The following AIFM2 variants were observed in gnomAD, a reference collection of about 807,000 sequenced individuals.
AIFM2 encodes the protein AIF family member 2, ferroptosis suppressor.
Under a neutral mutation model 35.7 loss-of-function variants are expected in AIFM2, and 38 were observed. That is an observed-to-expected ratio of 1.06 (90% confidence interval 0.82 to 1.39). The LOEUF is 1.39. Among genes scored for constraint, AIFM2 ranks in the 40% most tolerant of loss-of-function variants. The probability of loss-of-function intolerance (pLI) is 0.00; values close to 1 mark genes in which losing one functional copy is unlikely to be tolerated. For synonymous variants in AIFM2, 185 were observed against 203.5 expected, an observed-to-expected ratio of 0.91 and a Z score of 0.77; for missense variants, 476 against 491.2, an observed-to-expected ratio of 0.97 and a Z score of 0.29.
rs776851103 is a variant in AIFM2 at position 70,117,934 on chromosome 10, G to A, written c.508-14C>T. ...AATGAGAGTGACCTGAGGACAAAAC[G>A]ACCACAGGGCCTGAGAAGGAGCCCC... On this transcript the variant is annotated splice_polypyrimidine_tract_variant and intron_variant, in intron 5 of 8. Coordinates refer to ENST00000307864, the MANE Select transcript of AIFM2 (RefSeq NM_032797.6). The surrounding 1 kb of genome is among the most constrained non-coding windows in gnomAD (Gnocchi z 4.7). 3.0e-5 allele frequency: 47 copies of A among 1,591,578 alleles called. No individual in the cohort carries two copies. The highest frequency in any genetic ancestry group is 4.5e-5 in the East Asian group (2 of 43,960).
At chr10:70,115,827 G>T (rs2072430055) in intron 7 of AIFM2, among the ~76,000 whole-genome samples, 1 of 152,112 alleles carries the variant, frequency 6.6e-6, no homozygotes, top group Non-Finnish European at 1.5e-5. Flanking sequence ...TTTAATAAAT[G>T]GCAAACTGCT....
chr10:70,120,066 CAG>C (rs1323781415), intron 5 of AIFM2, among the ~76,000 whole-genome samples: 1 of 152,256 alleles, frequency 6.6e-6, no homozygotes, highest in Non-Finnish European at 1.5e-5. Context: ...CCATATCAGG[CAG>C]AGACCAAAGC....
chr10:70,115,303 C>T (rs1252812924), intron 7 of AIFM2, among the ~76,000 whole-genome samples, 183 bp from the exon 8 acceptor site: 1 of 152,124 alleles, frequency 6.6e-6, no homozygotes, highest in Non-Finnish European at 1.5e-5. Flanking sequence ...ATGTATTCCC[C>T]CCTGAAGTCT....
rs768624354 is a variant in AIFM2 at position 70,121,089 on chromosome 10, C to T, written c.414+3G>A. ...TGCCCCATGCCTTCAGTGCACAGCT[C>T]ACCTGCCTCACCATGTCCTCATAGG... is the stretch of plus-strand genomic sequence containing the variant. On this transcript the variant is annotated splice_donor_region_variant and intron_variant, in intron 4 of 8. Transcript: ENST00000307864. The T allele has an allele frequency of 1.9e-6, 3 of 1,610,424 alleles. No homozygotes were observed. Among genetic ancestry groups the T allele is most frequent in the East Asian group, 2.2e-5 (1 of 44,860 alleles).
intron 1 of AIFM2, 80 bp from the exon 2 acceptor site, chr10:70,124,177 G>C (rs1018509940): frequency 2.7e-6 from 3 of 1,110,494 alleles, no homozygotes; most frequent in Non-Finnish European, 3.5e-6. Flanking sequence ...GAGAGGCCTC[G>C]ATCATGAATT....
rs758233330 is a variant in AIFM2, at chr10:70,117,796, G to A, written c.616+16C>T. 2 of 1,591,456 alleles carry A rather than the reference G, an allele frequency of 1.3e-6. No homozygotes were observed. The highest frequency in any genetic ancestry group is 2.3e-5 in the East Asian group (1 of 43,644). ...AGGCCAGGGCAGGGCAGGGAGGGAG[G>A]TGAGGGTGCACGTACTCAGCAGCAG... On this transcript the variant is annotated intron_variant, in intron 6 of 8. Transcript: ENST00000307864. The surrounding 1 kb of genome is among the most constrained non-coding windows in gnomAD (Gnocchi z 4.7).
chr10:70,128,222 G>C (rs567998327), intron 1 of AIFM2, among the ~76,000 whole-genome samples: 1 of 152,356 alleles, frequency 6.6e-6, no homozygotes, highest in East Asian at 1.9e-4. Context: ...TAGCAGTAGT[G>C]CTGTGCAAAC....
chr10:70,115,208 T>C, intron 7 of AIFM2, 88 bp from the exon 8 acceptor site: 1 of 1,397,322 alleles, frequency 7.2e-7, no homozygotes, highest in East Asian at 2.4e-5. Flanking sequence ...CTCTAGACAC[T>C]GGTCAATAGG....
In AIFM2 at chr10:70,132,791, T is replaced by TCCCGCTCCCGCTCCCGCTCCCGC. The variant is rs2072642277; in HGVS notation, c.-72_-71insGCGGGAGCGGGAGCGGGAGCGGG. Reference sequence around the variant, plus strand: ...CTCCCGCTCCCGCTCCCGCTCCCGCTTGGTCGTCTTCCCGAGTTACTGACC... The same window carrying TCCCGCTCCCGCTCCCGCTCCCGC: ...CTCCCGCTCCCGCTCCCGCTCCCGCTCCCGCTCCCGCTCCCGCTCCCGCTGGTCGTCTTCCCGAGTTACTGACC... On this transcript the variant is annotated 5_prime_UTR_variant, in exon 1 of 9. Transcript: ENST00000307864. The TCCCGCTCCCGCTCCCGCTCCCGC allele has an allele frequency of 6.5e-6, 1 of 152,760 alleles. No individual in the cohort carries two copies. Among genetic ancestry groups the TCCCGCTCCCGCTCCCGCTCCCGC allele is most frequent in the African/African-American group, 2.4e-5 (1 of 41,112 alleles). The allele number at this position is 152,760 out of a possible 1,614,324, so 9.5% of individuals were successfully genotyped here.
chr10:70,130,812 T>C (rs2072619271), intron 1 of AIFM2, among the ~76,000 whole-genome samples: 1 of 152,220 alleles, frequency 6.6e-6, no homozygotes, highest in Admixed American at 6.5e-5. Flanking sequence ...TAACTATGTC[T>C]GTCTAGGTTC....
rs1331854894 is a variant in AIFM2 at position 70,121,292 on chromosome 10, C to T, written c.295-81G>A. 4 of 1,416,972 alleles carry T rather than the reference C, an allele frequency of 2.8e-6. No homozygotes were observed. The Admixed American group carries it at 9.0e-5, about 32-fold the overall frequency. The allele number at this position is 1,416,972 out of a possible 1,614,324, so 87.8% of individuals were successfully genotyped here. A position where few individuals can be genotyped will look rare whatever the true frequency, so the allele number is the denominator to read the frequency against. On this transcript the variant is annotated intron_variant, in intron 3 of 8. Transcript: ENST00000307864. ...AGGGCAGGGCAGGCCTAGGCCTCTG[C>T]ATCCTACTCCCGGCCTGCCAGCCGG...
intron 1 of AIFM2, among the ~76,000 whole-genome samples, chr10:70,132,039 G>A (rs968579095): frequency 1.2e-4 from 18 of 152,218 alleles, no homozygotes; most frequent in African/African-American, 4.3e-4. Flanking sequence ...TAAATTCCAG[G>A]GTCAAAAAGA....
intron 3 of AIFM2, among the ~76,000 whole-genome samples, 155 bp from the exon 4 acceptor site, chr10:70,121,366 G>A (rs559657272): frequency 3.3e-5 from 5 of 152,208 alleles, no homozygotes; most frequent in African/African-American, 1.2e-4. Flanking sequence ...CAGCCCCCAT[G>A]GGAGGGGGTG....
At chr10:70,119,690 T>G (rs1346485218) in intron 5 of AIFM2, among the ~76,000 whole-genome samples, 1 of 152,206 alleles carries the variant, frequency 6.6e-6, no homozygotes, top group Non-Finnish European at 1.5e-5. Context: ...CCTCTATTGA[T>G]TTTTCTTTTC....
rs535443452 is a variant in AIFM2, at chr10:70,114,534, G to A, written c.971-205C>T. The stretch of plus-strand genomic sequence containing the variant: ...TTGTTGCCCAGGCTGGAGTGCAATG[G>A]TGTGATCTTGGCTCGCTGCAACCTC... On this transcript the variant is annotated intron_variant, in intron 8 of 8. Transcript: ENST00000307864. Among the ~76,000 whole-genome samples the A allele has an allele frequency of 6.6e-5, 10 of 152,196 alleles. No individual in the cohort carries two copies. In the South Asian group the frequency reaches 2.1e-3, roughly 32 times the overall value.
In AIFM2 at chr10:70,112,418, C is replaced by CAGAT. The variant is rs1186347340; in HGVS notation, c.*1756_*1759dup. 17 of 152,340 alleles carry CAGAT rather than the reference C, an allele frequency of 1.1e-4. No individual in the cohort carries two copies. The highest frequency in any genetic ancestry group is 2.6e-4 in the African/African-American group (11 of 41,580). 9.4% of individuals were successfully genotyped at this position (152,340 alleles called of 1,614,324 possible). A position where few individuals can be genotyped will look rare whatever the true frequency, so the allele number is the denominator to read the frequency against. ...ATTCCCACCTCGCTGGACCCCAGGTCAGATAGCACCAGGGCCTGTGTTTCT... is the reference window on the plus strand; with the variant it reads ...ATTCCCACCTCGCTGGACCCCAGGTCAGATAGATAGCACCAGGGCCTGTGTTTCT... On this transcript the variant is annotated 3_prime_UTR_variant, in exon 9 of 9. Transcript: ENST00000307864.
rs1337693611 is a variant in AIFM2 at position 70,117,908 on chromosome 10, G to A, written c.520C>T (p.His174Tyr). ...EYPEKEVTLI[H>Y]SQVALADKEL... ...TTGTCAGCCAGGGCCACTTGGGAGT[G>A]AATGAGAGTGACCTGAGGACAAAAC... Residue 174 changes from histidine (H) to tyrosine (Y), a missense_variant, in exon 6 of 9, where the codon CAC becomes TAC. Transcript: ENST00000307864. The surrounding 1 kb of genome is among the most constrained non-coding windows in gnomAD (Gnocchi z 4.7). 4 of 1,608,048 alleles carry A rather than the reference G, an allele frequency of 2.5e-6. No individual in the cohort carries two copies. Among genetic ancestry groups the A allele is most frequent in the Non-Finnish European group, 3.4e-6 (4 of 1,177,618 alleles).
rs554559037 is a variant in AIFM2, at chr10:70,132,419, C to T, written c.-14+315G>A. On this transcript the variant is annotated intron_variant, in intron 1 of 8. Transcript: ENST00000307864. ...CACCCGCCCCGTGTTCCCTCTTCCC[C>T]GGTTCGCCCTTCCCGGCCTAAGCCC... Among the ~76,000 whole-genome samples, 18 of 152,376 alleles carry T rather than the reference C, an allele frequency of 1.2e-4. No homozygotes were observed. The East Asian group carries it at 3.3e-3, about 28-fold the overall frequency.
chr10:70,122,550 A>G (rs1462864143), intron 3 of AIFM2, among the ~76,000 whole-genome samples: 1 of 152,194 alleles, frequency 6.6e-6, no homozygotes, highest in African/African-American at 2.4e-5. Context: ...AGGCTCCATG[A>G]TGCACATGTG....
Sources: allele counts gnomAD v4.1 joint callset (sites outside exome capture counted in the v4.1 genomes callset), GRCh38; gene constraint gnomAD v4.1.1; non-coding constraint Gnocchi (gnomAD v3.1); transcripts MANE v1.5; gene names NCBI Gene and HGNC (gene_info 2026-07-23, HGNC 2026-07-21).